ARL15: variants seen among roughly 807,000 people sequenced by gnomAD.
ARL15 encodes the protein ARF like GTPase 15.
ARL15 carries 19 observed loss-of-function variants against 25.2 expected under a neutral mutation model. The observed-to-expected ratio is 0.75, with a 90% CI of 0.53 to 1.10. ARL15 has a LOEUF of 1.10. Among genes scored for constraint, ARL15 ranks in the 50% least tolerant of loss-of-function variants. The pLI is 0.00. For missense variants in ARL15, 220 were observed against 246.0 expected (o/e 0.89, Z 0.71); for synonymous variants, 94 against 86.8 (o/e 1.08, Z -0.46).
intron 4 of ARL15, among the ~76,000 whole-genome samples, chr5:54,022,540 T>C (rs255747): frequency 6.6e-6 from 1 of 151,428 alleles, no homozygotes; most frequent in Non-Finnish European, 1.5e-5. Flanking sequence ...CCACCTATTC[T>C]GAAGATTGCT....
intron 4 of ARL15, among the ~76,000 whole-genome samples, chr5:54,105,910 G>A (rs936934445): frequency 3.9e-5 from 6 of 152,074 alleles, no homozygotes; most frequent in Admixed American, 6.6e-5. Context: ...GCTTCATTAT[G>A]TACCAGTCTC....
Position 54,037,595 on chromosome 5 carries a change from T to C in ARL15, c.462+75607A>G, listed in dbSNP as rs116757158. 8.4e-3 allele frequency among the ~76,000 whole-genome samples: 1,284 copies of C among 152,202 alleles called. 23 individuals are homozygous for C. The highest frequency in any genetic ancestry group is 0.029 in the African/African-American group (1,203 of 41,560). ...TTAGGTTTTACCTGCCAAGTAAAAA[T>C]AGACACTCTAGAAAATATTTCAAAG... On this transcript the variant is annotated intron_variant, in intron 4 of 4. Coordinates refer to ENST00000504924, the MANE Select transcript of ARL15 (RefSeq NM_019087.3).
intron 3 of ARL15, among the ~76,000 whole-genome samples, chr5:54,135,979 T>C (rs1430303807): frequency 1.3e-5 from 2 of 152,096 alleles, no homozygotes; most frequent in Non-Finnish European, 2.9e-5. Flanking sequence ...AGAGTGATGG[T>C]AGAAAATCTG....
chr5:53,903,645 C>A (rs575995227), intron 4 of ARL15, among the ~76,000 whole-genome samples: 1 of 152,334 alleles, frequency 6.6e-6, no homozygotes, highest in South Asian at 2.1e-4. Flanking sequence ...AGACTCACTC[C>A]CTGGAACCAG....
intron 1 of ARL15, among the ~76,000 whole-genome samples, chr5:54,255,343 A>C (rs1240402693): frequency 2.6e-5 from 4 of 152,204 alleles, no homozygotes; most frequent in African/African-American, 9.6e-5. Flanking sequence ...AAAACAAAGG[A>C]GAATGCTTAA....
intron 4 of ARL15, among the ~76,000 whole-genome samples, chr5:54,027,314 T>A (rs1749811811): frequency 6.6e-6 from 1 of 152,144 alleles, no homozygotes; most frequent in South Asian, 2.1e-4. Flanking sequence ...TTGAAAAAAA[T>A]TACATCAAGT....
intron 3 of ARL15, among the ~76,000 whole-genome samples, chr5:54,148,127 T>C (rs1161308059): frequency 1.3e-5 from 2 of 152,184 alleles, no homozygotes; most frequent in African/African-American, 4.8e-5. Flanking sequence ...AGACATCAAA[T>C]GGCATGTGTA....
At chr5:54,064,632 A>G (rs1751163021) in intron 4 of ARL15, among the ~76,000 whole-genome samples, 1 of 152,034 alleles carries the variant, frequency 6.6e-6, no homozygotes, top group Non-Finnish European at 1.5e-5. Context: ...CAGGCATGTG[A>G]TTTGACCACT....
intron 4 of ARL15, among the ~76,000 whole-genome samples, chr5:53,967,780 T>C (rs1329847224): frequency 2.6e-5 from 4 of 152,112 alleles, no homozygotes. Flanking sequence ...GGGGATGGAA[T>C]GCTGGGGAAC....
At chr5:54,282,775 T>C (rs1758092981) in intron 1 of ARL15, among the ~76,000 whole-genome samples, 1 of 152,180 alleles carries the variant, frequency 6.6e-6, no homozygotes, top group African/African-American at 2.4e-5. Context: ...AGGGAAATGC[T>C]CATAGTTAAA....
intron 4 of ARL15, among the ~76,000 whole-genome samples, chr5:53,895,271 G>A (rs72763121): frequency 0.12 from 18,170 of 152,226 alleles, 1,152 homozygotes; most frequent in Non-Finnish European, 0.15. Context: ...GTGGGACAGA[G>A]GATTTGGGCT....
At chr5:54,056,247 A>AT (rs1750867250) in intron 4 of ARL15, among the ~76,000 whole-genome samples, 2 of 152,130 alleles carry the variant, frequency 1.3e-5, no homozygotes, top group African/African-American at 2.4e-5. Flanking sequence ...TTATGTTTTT[A>AT]AAGAGTTTAA....
At chr5:54,114,551 G>A (rs867459796) in intron 3 of ARL15, among the ~76,000 whole-genome samples, 4 of 152,020 alleles carry the variant, frequency 2.6e-5, no homozygotes, top group Non-Finnish European at 4.4e-5. Flanking sequence ...GGGAATGAGG[G>A]AGTAAAATTA....
chr5:53,998,495 G>A (rs182844454), intron 4 of ARL15, among the ~76,000 whole-genome samples: 75 of 152,250 alleles, frequency 4.9e-4, no homozygotes, highest in Middle Eastern at 3.4e-3. Context: ...AAGGCACTGC[G>A]GTTCAGCACT....
At chr5:53,916,202 C>T (rs887230959) in intron 4 of ARL15, among the ~76,000 whole-genome samples, 6 of 151,062 alleles carry the variant, frequency 4.0e-5, no homozygotes, top group Non-Finnish European at 7.4e-5. Context: ...AAATTCTAAA[C>T]GTACTCACAA....
At chr5:54,015,448 T>C (rs991594969) in intron 4 of ARL15, among the ~76,000 whole-genome samples, 2 of 152,148 alleles carry the variant, frequency 1.3e-5, no homozygotes, top group Non-Finnish European at 2.9e-5. Flanking sequence ...AGTTTAACTA[T>C]CTCCTTAACA....
At chr5:54,120,877 T>C (rs1313331042) in intron 3 of ARL15, among the ~76,000 whole-genome samples, 1 of 152,180 alleles carries the variant, frequency 6.6e-6, no homozygotes, top group Non-Finnish European at 1.5e-5. Flanking sequence ...TAAGATCTTT[T>C]AATAATGCGG....
chr5:53,947,280 C>T (rs1221497970), intron 4 of ARL15, among the ~76,000 whole-genome samples: 1 of 145,490 alleles, frequency 6.9e-6, no homozygotes, highest in African/African-American at 2.5e-5. Context: ...GGTTCCCTTC[C>T]CTGTCTGTGG....
intron 1 of ARL15, among the ~76,000 whole-genome samples, chr5:54,229,583 C>CACTA (rs1270127967): frequency 6.6e-6 from 1 of 152,164 alleles, no homozygotes; most frequent in Non-Finnish European, 1.5e-5. Context: ...GCTTGAGATA[C>CACTA]ACTAACCCAG....
Sources: allele counts gnomAD v4.1 joint callset (sites outside exome capture counted in the v4.1 genomes callset), GRCh38; gene constraint gnomAD v4.1.1; transcripts MANE v1.5; gene names NCBI Gene and HGNC (gene_info 2026-07-23, HGNC 2026-07-21).